MPP7: variants seen among roughly 807,000 people sequenced by gnomAD.
MPP7 encodes MAGUK p55 subfamily member 7.
Under a neutral mutation model 76.5 loss-of-function variants are expected in MPP7, and 60 were observed. That is an observed-to-expected ratio of 0.78 (90% CI 0.64 to 0.97). The LOEUF (loss-of-function observed/expected upper bound fraction) is 0.97. MPP7 is among the 50% of genes least tolerant of loss of function. The probability of loss-of-function intolerance (pLI) is 0.00; values close to 1 mark genes in which losing one functional copy is unlikely to be tolerated. For missense variants in MPP7, 641 were observed against 694.0 expected (o/e 0.92, Z 0.86); for synonymous variants, 237 against 244.5 (o/e 0.97, Z 0.29).
At chr10:28,279,704 CAA>C (rs1338156148) in intron 1 of MPP7, among the ~76,000 whole-genome samples, 48 of 113,398 alleles carry the variant, frequency 4.2e-4, no homozygotes, top group Admixed American at 4.7e-4. Context: ...GACGCTGTCT[CAA>C]AAAAAAAAAA....
intron 1 of MPP7, among the ~76,000 whole-genome samples, chr10:28,332,578 G>C (rs703018): frequency 0.11 from 16,061 of 152,092 alleles, 1,148 homozygotes; most frequent in African/African-American, 0.2. Flanking sequence ...AAAATCAACA[G>C]GTTTTGAGCA....
intron 5 of MPP7, among the ~76,000 whole-genome samples, chr10:28,134,272 G>T (rs991101938): frequency 3.3e-5 from 5 of 152,084 alleles, no homozygotes; most frequent in African/African-American, 1.2e-4. Context: ...AAATGAATGA[G>T]AACGAAACCC....
chr10:28,134,382 G>T (rs1319028245), intron 5 of MPP7, among the ~76,000 whole-genome samples: 1 of 152,016 alleles, frequency 6.6e-6, no homozygotes, highest in Non-Finnish European at 1.5e-5. Flanking sequence ...TAATTTGTAA[G>T]AACTATTTAT....
At chr10:28,266,483 T>C (rs1370308929) in intron 1 of MPP7, among the ~76,000 whole-genome samples, 1 of 152,070 alleles carries the variant, frequency 6.6e-6, no homozygotes, top group Admixed American at 6.6e-5. Context: ...GGCAGAAGGA[T>C]CTCTTGAACT....
chr10:28,129,722 C>T (rs2133671851), intron 6 of MPP7, among the ~76,000 whole-genome samples: 1 of 152,232 alleles, frequency 6.6e-6, no homozygotes, highest in East Asian at 1.9e-4. Flanking sequence ...CTACCAAAAA[C>T]TTGCACCAAG....
chr10:28,183,789 CA>C (rs879741198), intron 3 of MPP7, among the ~76,000 whole-genome samples: 178 of 149,486 alleles, frequency 1.2e-3, no homozygotes, highest in African/African-American at 3.9e-3. Flanking sequence ...GAATCTATCT[CA>C]AAAAAAAACA....
rs534236071 is a variant in MPP7 at position 28,054,269 on chromosome 10, T to A, written c.1552-25A>T. ...CCTACAAAAGGAAGTATTAAAAAAA[T>A]AATTGGTTAACCAGGCCATTACCTC... On this transcript the variant is annotated intron_variant, in intron 16 of 16. Transcript: ENST00000683449. The A allele has an allele frequency of 2.1e-5, 30 of 1,445,320 alleles. No individual in the cohort carries two copies. The African/African-American group carries it at 3.5e-4, about 17-fold the overall frequency. 89.5% of individuals were successfully genotyped at this position (1,445,320 alleles called of 1,614,324 possible).
chr10:28,056,088 G>T (rs12242656), intron 16 of MPP7, among the ~76,000 whole-genome samples: 13,066 of 152,076 alleles, frequency 0.086, 1,842 homozygotes, highest in African/African-American at 0.29. Context: ...TTTTGTGGTT[G>T]TTGTTGAGAC....
intron 1 of MPP7, among the ~76,000 whole-genome samples, chr10:28,293,287 A>C (rs984624991): frequency 6.6e-6 from 1 of 152,262 alleles, no homozygotes; most frequent in African/African-American, 2.4e-5. Flanking sequence ...GGAAAAACAC[A>C]CACAGTATAC....
chr10:28,238,517 C>G (rs769173997), intron 2 of MPP7, 51 bp downstream of exon 2: 2 of 1,594,782 alleles, frequency 1.3e-6, no homozygotes, highest in East Asian at 2.2e-5. Context: ...TCACTGTGAA[C>G]AAGATTTAAG....
In MPP7 at chr10:28,318,424, TC is replaced by T. The variant is rs1280573342; in HGVS notation, c.-132+11504del. On this transcript the variant is annotated intron_variant, in intron 2 of 11. Transcript: ENST00000441595. ...ATAGGGGTCAGGCATGGTGGCTGAC[TC>T]CTGTAATCCCAACACTTTGCGAGGC... Among the ~76,000 whole-genome samples the T allele has an allele frequency of 3.3e-5, 5 of 152,278 alleles. No individual in the cohort carries two copies. In the East Asian group the frequency reaches 9.7e-4, roughly 29 times the overall value.
intron 1 of MPP7, among the ~76,000 whole-genome samples, chr10:28,238,946 C>CGT (rs77695355): frequency 3.5e-3 from 539 of 151,972 alleles, no homozygotes; most frequent in Admixed American, 6.3e-3. Context: ...GTTCTGCATG[C>CGT]GTGTGTTGAG....
At chr10:28,095,445 G>A (rs1853523690) in intron 11 of MPP7, among the ~76,000 whole-genome samples, 1 of 152,022 alleles carries the variant, frequency 6.6e-6, no homozygotes, top group Non-Finnish European at 1.5e-5. Context: ...GTAGTCAGAG[G>A]TGATAGCACA....
chr10:28,328,844 T>C (rs902210499), intron 2 of MPP7, among the ~76,000 whole-genome samples: 3 of 152,234 alleles, frequency 2.0e-5, no homozygotes, highest in African/African-American at 7.2e-5. Flanking sequence ...ATTAAACTTT[T>C]CTACATACTG....
At chr10:28,123,197 T>G (rs1197071791) in intron 8 of MPP7, among the ~76,000 whole-genome samples, 1 of 152,198 alleles carries the variant, frequency 6.6e-6, no homozygotes, top group Non-Finnish European at 1.5e-5. Context: ...GTTTCCAGTA[T>G]GTTTTCACAT....
chr10:28,123,927 C>A, intron 8 of MPP7, 104 bp downstream of exon 8: 1 of 766,816 alleles, frequency 1.3e-6, no homozygotes, highest in Admixed American at 1.9e-5. Flanking sequence ...GAACCCTGCA[C>A]TGCTTAATAC....
intron 5 of MPP7, among the ~76,000 whole-genome samples, chr10:28,144,970 G>A (rs1469374741): frequency 6.6e-6 from 1 of 152,150 alleles, no homozygotes; most frequent in Admixed American, 6.6e-5. Context: ...GCCAAAGAAA[G>A]TTATAAAAAT....
At chr10:28,234,018 G>C (rs1360090627) in intron 2 of MPP7, among the ~76,000 whole-genome samples, 1 of 152,056 alleles carries the variant, frequency 6.6e-6, no homozygotes, top group Non-Finnish European at 1.5e-5. Context: ...AAACGAAAAA[G>C]AAACAACACT....
upstream of MPP7, among the ~76,000 whole-genome samples, chr10:28,303,643 CATGT>C (rs1257243436): frequency 6.6e-6 from 1 of 152,030 alleles, no homozygotes; most frequent in Non-Finnish European, 1.5e-5. Flanking sequence ...CCATATTGAA[CATGT>C]ACTACATGAT....
Sources: allele counts gnomAD v4.1 joint callset (sites outside exome capture counted in the v4.1 genomes callset), GRCh38; gene constraint gnomAD v4.1.1; transcripts MANE v1.5; gene names NCBI Gene and HGNC (gene_info 2026-07-23, HGNC 2026-07-21).